ATG7: variants seen among roughly 807,000 people sequenced by gnomAD.
ATG7 encodes the protein ubiquitin-like modifier-activating enzyme ATG7.
ATG7 carries 70 observed loss-of-function variants against 82.4 expected under a neutral mutation model. The ratio of observed to expected loss-of-function variants is 0.85; its 90% confidence interval spans 0.70 to 1.04. The LOEUF (loss-of-function observed/expected upper bound fraction) is 1.04, where lower values mean the gene tolerates loss of function less well. Among genes scored for constraint, ATG7 ranks in the 50% least tolerant of loss-of-function variants. ATG7 has a pLI of 0.00. For synonymous variants in ATG7, 287 were observed against 313.0 expected (o/e 0.92, Z 0.88); for missense variants, 792 against 864.3 (o/e 0.92, Z 1.05).
At chr3:11,499,491 A>G (rs1228221778) in intron 20 of ATG7, among the ~76,000 whole-genome samples, 1 of 152,158 alleles carries the variant, frequency 6.6e-6, no homozygotes, top group Admixed American at 6.5e-5. Flanking sequence ...CACGCCTGCA[A>G]TCCCAGCACT....
intron 20 of ATG7, among the ~76,000 whole-genome samples, chr3:11,520,778 CTCTT>C (rs1253792116): frequency 6.6e-6 from 1 of 152,294 alleles, no homozygotes; most frequent in Non-Finnish European, 1.5e-5. Flanking sequence ...GAAGTGATTT[CTCTT>C]TCTTCATTAT....
At chr3:11,564,842 CCTG>C in the ATG7 span, 2 of 1,601,184 alleles carry the variant, frequency 1.2e-6, no homozygotes, top group Non-Finnish European at 1.7e-6. Context: ...GGCCGGCTGG[CCTG>C]CTGGCGTCCA....
At chr3:11,294,017 CAAA>C (rs148344958) in intron 3 of ATG7, among the ~76,000 whole-genome samples, 8 of 98,418 alleles carry the variant, frequency 8.1e-5, no homozygotes, top group Admixed American at 1.1e-4. Context: ...GACTCCGTCT[CAAA>C]AAAAAAAAAA....
At chr3:11,384,949 G>T (rs1269860217) in intron 19 of ATG7, among the ~76,000 whole-genome samples, 1 of 152,198 alleles carries the variant, frequency 6.6e-6, no homozygotes, top group African/African-American at 2.4e-5. Context: ...TCATGCCCAT[G>T]CCCCAAAACC....
At chr3:11,563,257 G>A in the ATG7 span, among the ~76,000 whole-genome samples, 1 of 152,294 alleles carries the variant, frequency 6.6e-6, no homozygotes, top group Non-Finnish European at 1.5e-5. Context: ...CCATACCCGT[G>A]TCCTTCAGGG....
intron 20 of ATG7, among the ~76,000 whole-genome samples, chr3:11,472,204 T>G (rs1546231): frequency 0.85 from 128,810 of 152,164 alleles, 54,700 homozygotes; most frequent in East Asian, 1. Flanking sequence ...AGATCCAAGT[T>G]TTTAAAAATG....
chr3:11,364,903 G>A (rs1207637297), intron 18 of ATG7, among the ~76,000 whole-genome samples, 169 bp downstream of exon 18: 1 of 152,174 alleles, frequency 6.6e-6, no homozygotes, highest in African/African-American at 2.4e-5. Context: ...TCCATTCTGC[G>A]GGATAGTGAT....
intron 12 of ATG7, among the ~76,000 whole-genome samples, chr3:11,341,659 G>T (rs1953654722): frequency 6.6e-6 from 1 of 152,002 alleles, no homozygotes. Context: ...TGTTGGCTAG[G>T]CTGGTCTCGA....
chr3:11,480,484 G>C (rs1290465530), intron 20 of ATG7, among the ~76,000 whole-genome samples: 4 of 152,068 alleles, frequency 2.6e-5, no homozygotes, highest in African/African-American at 4.8e-5. Flanking sequence ...GGGTGCGATG[G>C]TTTGCGGCAG....
downstream of ATG7, among the ~76,000 whole-genome samples, chr3:11,562,207 G>A (rs181883005): frequency 3.9e-5 from 6 of 152,168 alleles, no homozygotes; most frequent in East Asian, 3.9e-4. Flanking sequence ...CTCAATGTGC[G>A]AAGCTTAACC....
At chr3:11,558,866 G>A (rs1476392242), downstream of ATG7, 2 of 1,601,580 alleles carry the variant, frequency 1.2e-6, no homozygotes, top group African/African-American at 1.3e-5. Context: ...AGACACAGGT[G>A]GCTGCAGACA....
At chr3:11,395,971 G>GC (rs1559533706) in intron 19 of ATG7, among the ~76,000 whole-genome samples, 1 of 144,104 alleles carries the variant, frequency 6.9e-6, no homozygotes, top group Admixed American at 7.0e-5. Context: ...AAAAAGGTAG[G>GC]GGGGGAAGAG....
At chr3:11,423,498 A>G (rs1218590781) in intron 19 of ATG7, among the ~76,000 whole-genome samples, 1 of 152,194 alleles carries the variant, frequency 6.6e-6, no homozygotes, top group Non-Finnish European at 1.5e-5. Flanking sequence ...ATCACTAAAC[A>G]CATAGTACTC....
At chr3:11,496,250 T>C (rs1467885590) in intron 20 of ATG7, among the ~76,000 whole-genome samples, 1 of 152,240 alleles carries the variant, frequency 6.6e-6, no homozygotes, top group East Asian at 1.9e-4. Flanking sequence ...TTTCCACTGC[T>C]ATGCAGCCTC....
chr3:11,470,344 G>A lies in ATG7; in HGVS notation c.2079+43418G>A, dbSNP rs1360571728. ...ATATGGTCCAGCCTATTGCTGCTAT[G>A]GTGGAAACCTGGATGGCTTGTGAGT... On this transcript the variant is annotated intron_variant, in intron 20 of 20. Transcript: ENST00000693202. 3.9e-5 allele frequency among the ~76,000 whole-genome samples: 6 copies of A among 152,322 alleles called. No individual in the cohort carries two copies. The South Asian group carries it at 8.3e-4, about 21-fold the overall frequency.
intron 14 of ATG7, among the ~76,000 whole-genome samples, chr3:11,350,923 C>CAAA (rs10709080): frequency 0.011 from 619 of 57,650 alleles, 13 homozygotes; most frequent in African/African-American, 0.031. Context: ...GACCCTAGCC[C>CAAA]AAAAAAAAAA....
intron 3 of ATG7, among the ~76,000 whole-genome samples, chr3:11,287,843 A>G (rs1944341374): frequency 6.6e-6 from 1 of 152,268 alleles, no homozygotes; most frequent in Non-Finnish European, 1.5e-5. Context: ...TGCCAAAAAT[A>G]TCAGTCTTCC....
At chr3:11,509,060 C>T (rs564822377) in intron 20 of ATG7, among the ~76,000 whole-genome samples, 57 of 152,330 alleles carry the variant, frequency 3.7e-4, no homozygotes, top group African/African-American at 1.1e-3. Flanking sequence ...TTGGGTTGTG[C>T]AGGCCTTTAA....
rs191698723 is a variant in ATG7 at position 11,364,834 on chromosome 3, C to T, written c.1875+100C>T. On this transcript the variant is annotated intron_variant, in intron 18 of 20. Transcript: ENST00000693202. ...TCTGCCCAGCCCACTTCATATCCAC[C>T]CTACTTACCCTGCAGCTGGGATTTC... The T allele has an allele frequency of 4.1e-4, 505 of 1,219,612 alleles. 1 individual carries two copies. In the African/African-American group the frequency reaches 6.9e-3, roughly 17 times the overall value. 75.5% of individuals were successfully genotyped at this position (1,219,612 alleles called of 1,614,324 possible).
Sources: gnomAD v4.1 joint callset for allele counts (sites outside exome capture counted in the v4.1 genomes callset) on GRCh38, gnomAD v4.1.1 for gene constraint, MANE v1.5 for transcripts, NCBI Gene and HGNC (gene_info 2026-07-23, HGNC 2026-07-21) for gene names.